Variants in ZMAT4 observed in about 807,000 individuals in gnomAD.
The protein encoded by ZMAT4 is zinc finger matrin-type 4, also known as zinc finger matrin-type protein 4.
Under a neutral mutation model 28.7 loss-of-function variants are expected in ZMAT4, and 17 were observed. That is an observed-to-expected ratio of 0.59 (90% CI 0.41 to 0.89). ZMAT4 has a LOEUF of 0.89. ZMAT4 is among the 40% of genes least tolerant of loss of function. ZMAT4 has a pLI of 0.00. For synonymous variants in ZMAT4, 117 were observed against 109.2 expected, an observed-to-expected ratio of 1.07 and a Z score of -0.44; for missense variants, 240 against 283.8, an observed-to-expected ratio of 0.85 and a Z score of 1.11.
chr8:40,827,707 G>A (rs985627346), intron 1 of ZMAT4, among the ~76,000 whole-genome samples: 1 of 152,124 alleles, frequency 6.6e-6, no homozygotes, highest in Non-Finnish European at 1.5e-5. Flanking sequence ...GGTTGATATG[G>A]GCCTGTTATT....
intron 5 of ZMAT4, among the ~76,000 whole-genome samples, chr8:40,602,684 C>T (rs1805440865): frequency 1.3e-5 from 2 of 152,018 alleles, no homozygotes; most frequent in African/African-American, 4.8e-5. Flanking sequence ...TGAGAATTGT[C>T]TATTTATGTC....
chr8:40,833,731 C>G (rs1455362500), intron 1 of ZMAT4, among the ~76,000 whole-genome samples: 1 of 152,084 alleles, frequency 6.6e-6, no homozygotes, highest in Non-Finnish European at 1.5e-5. Flanking sequence ...GAGAATCCCC[C>G]ATGCAGCATC....
chr8:40,783,201 A>G (rs931822342), intron 2 of ZMAT4, among the ~76,000 whole-genome samples: 1 of 152,250 alleles, frequency 6.6e-6, no homozygotes, highest in African/African-American at 2.4e-5. Flanking sequence ...AGTATATCCT[A>G]TGATAAATAT....
chr8:40,864,234 G>A (rs1180755257), intron 1 of ZMAT4, among the ~76,000 whole-genome samples: 1 of 152,226 alleles, frequency 6.6e-6, no homozygotes, highest in East Asian at 1.9e-4. Context: ...AAATCAGCAG[G>A]AAATGACCTC....
intron 2 of ZMAT4, among the ~76,000 whole-genome samples, chr8:40,796,487 G>A (rs1295921611): frequency 2.0e-5 from 3 of 152,216 alleles, no homozygotes; most frequent in African/African-American, 4.8e-5. Context: ...TCAGCAACTC[G>A]CCAAGTGGCT....
chr8:40,799,922 G>C (rs1814765654), intron 2 of ZMAT4, among the ~76,000 whole-genome samples: 1 of 151,986 alleles, frequency 6.6e-6, no homozygotes, highest in Admixed American at 6.6e-5. Context: ...AATAAAAAGA[G>C]TAAAAAATAA....
intron 5 of ZMAT4, among the ~76,000 whole-genome samples, chr8:40,624,520 G>A (rs75299240): frequency 1.9e-4 from 29 of 152,296 alleles, no homozygotes; most frequent in African/African-American, 6.7e-4. Flanking sequence ...CCTTAAGGAT[G>A]GAAACAATAA....
At chr8:40,686,170 A>G (rs1333784052) in intron 4 of ZMAT4, among the ~76,000 whole-genome samples, 1 of 152,158 alleles carries the variant, frequency 6.6e-6, no homozygotes, top group Non-Finnish European at 1.5e-5. Flanking sequence ...CTAATTTTAC[A>G]GGACTATTTT....
chr8:40,834,390 G>T (rs1426538029), intron 1 of ZMAT4, among the ~76,000 whole-genome samples: 1 of 152,088 alleles, frequency 6.6e-6, no homozygotes, highest in Non-Finnish European at 1.5e-5. Context: ...AGCAGGTGCT[G>T]ACCAGCCCAG....
intron 2 of ZMAT4, among the ~76,000 whole-genome samples, chr8:40,793,340 G>A (rs1158492498): frequency 6.6e-6 from 1 of 152,200 alleles, no homozygotes; most frequent in Non-Finnish European, 1.5e-5. Flanking sequence ...GAAGACTGAA[G>A]GACAGTTGAG....
chr8:40,608,362 T>C (rs1038373785), intron 5 of ZMAT4, among the ~76,000 whole-genome samples: 3 of 152,150 alleles, frequency 2.0e-5, no homozygotes, highest in African/African-American at 7.2e-5. Context: ...GGGGGAAAGC[T>C]GGCAGTGACA....
chr8:40,690,891 T>A, intron 4 of ZMAT4: 1 of 983,950 alleles, frequency 1.0e-6, no homozygotes, highest in Non-Finnish European at 1.2e-6. Flanking sequence ...TTACAATACA[T>A]GCAATGAATG....
chr8:40,581,046 G>T, intron 6 of ZMAT4, 119 bp downstream of exon 6: 1 of 758,248 alleles, frequency 1.3e-6, no homozygotes, highest in Non-Finnish European at 2.1e-6. Context: ...GAACTTTGAA[G>T]CAAAAGAGAT....
At chr8:40,678,617 A>G (rs1809010816) in intron 4 of ZMAT4, among the ~76,000 whole-genome samples, 1 of 152,178 alleles carries the variant, frequency 6.6e-6, no homozygotes, top group African/African-American at 2.4e-5. Flanking sequence ...TTCATTTGGC[A>G]TTTCTTAAAT....
chr8:40,849,731 C>T (rs760874928), intron 1 of ZMAT4, among the ~76,000 whole-genome samples: 2 of 152,166 alleles, frequency 1.3e-5, no homozygotes, highest in Non-Finnish European at 2.9e-5. Flanking sequence ...GTGTGTGTGT[C>T]TCATTCATGA....
intron 2 of ZMAT4, chr8:40,808,706 G>A (rs1586088906): frequency 3.8e-6 from 1 of 265,606 alleles, no homozygotes; most frequent in Non-Finnish European, 7.6e-6. Flanking sequence ...GCAAATCAGT[G>A]AAGAGGAAGA....
At chr8:40,857,744 C>CA (rs1233575466) in intron 1 of ZMAT4, among the ~76,000 whole-genome samples, 7 of 152,016 alleles carry the variant, frequency 4.6e-5, no homozygotes, top group Middle Eastern at 3.4e-3. Flanking sequence ...TGAAACTTTG[C>CA]AAAAAAACTG....
rs900272911 is a variant in ZMAT4 at position 40,700,625 on chromosome 8, T to C, written c.193-3224A>G. On this transcript the variant is annotated intron_variant, in intron 3 of 6. Coordinates refer to ENST00000297737, the MANE Select transcript of ZMAT4 (RefSeq NM_024645.3). ...TTGTAGAGAGAGAATGTCTACAACC[T>C]GTTTTCCGGGCTGGCCTCGAACTCC... 3.3e-5 allele frequency among the ~76,000 whole-genome samples: 5 copies of C among 151,998 alleles called. No homozygotes were observed. The East Asian group carries it at 7.7e-4, about 24-fold the overall frequency.
chr8:40,672,360 T>C (rs1808710838), intron 5 of ZMAT4, among the ~76,000 whole-genome samples: 1 of 152,148 alleles, frequency 6.6e-6, no homozygotes, highest in Non-Finnish European at 1.5e-5. Context: ...TGGGTTACCA[T>C]AGTTGCTTTA....
Sources: gnomAD v4.1 joint callset for allele counts (sites outside exome capture counted in the v4.1 genomes callset) on GRCh38, gnomAD v4.1.1 for gene constraint, MANE v1.5 for transcripts, NCBI Gene and HGNC (gene_info 2026-07-23, HGNC 2026-07-21) for gene names.